CSNK1G2: variants seen among roughly 807,000 people sequenced by gnomAD.
CSNK1G2 encodes casein kinase 1 gamma 2, also known as casein kinase I isoform gamma-2.
Under a neutral mutation model 48.0 loss-of-function variants are expected in CSNK1G2, and 11 were observed. The observed-to-expected ratio is 0.23, with a 90% confidence interval of 0.14 to 0.38. CSNK1G2 has a LOEUF of 0.38. CSNK1G2 is among the 10% of genes least tolerant of loss of function. The probability of loss-of-function intolerance (pLI) is 1.00; values close to 1 mark genes in which losing one functional copy is unlikely to be tolerated. For missense variants in CSNK1G2, 446 were observed against 595.5 expected (o/e 0.75, Z 2.61); for synonymous variants, 337 against 254.1 (o/e 1.33, Z -3.10).
At chr19:1,955,131 G>C (rs1320135661) in intron 1 of CSNK1G2, among the ~76,000 whole-genome samples, 1 of 152,172 alleles carries the variant, frequency 6.6e-6, no homozygotes, top group Admixed American at 6.5e-5. Context: ...CGGGTGCTGG[G>C]CCCTGACCGA....
At chr19:1,955,822 G>A (rs979415978) in intron 1 of CSNK1G2, among the ~76,000 whole-genome samples, 3 of 152,190 alleles carry the variant, frequency 2.0e-5, no homozygotes, top group Non-Finnish European at 2.9e-5. Flanking sequence ...GCTCTGCAGG[G>A]CACAGTGGGG....
At chr19:1,953,760 G>A in intron 1 of CSNK1G2, 1 of 441,288 alleles carries the variant, frequency 2.3e-6, no homozygotes, top group Non-Finnish European at 4.7e-6. Context: ...CTGCCATTGT[G>A]CAGCCTTGCC....
intron 8 of CSNK1G2, 26 bp downstream of exon 8, chr19:1,979,429 T>TG: frequency 3.0e-6 from 3 of 984,744 alleles, no homozygotes; most frequent in African/African-American, 2.1e-5. Context: ...GCCCCCGCCC[T>TG]GTGCCCCCCA....
rs1039997114 is a variant in CSNK1G2 at position 1,970,645 on chromosome 19, GT to G, written c.187+687del. On this transcript the variant is annotated intron_variant, in intron 2 of 11. Coordinates refer to ENST00000255641, the MANE Select transcript of CSNK1G2 (RefSeq NM_001319.7). ...GCACCTTTGGGGCCGTTCCCAGTCT[GT>G]GATTAGCTGGGCCAGGGAGCTGAAT... is the stretch of plus-strand genomic sequence containing the variant. Among the ~76,000 whole-genome samples, 187 of 151,180 alleles carry G rather than the reference GT, an allele frequency of 1.2e-3. 1 individual carries two copies. The highest frequency in any genetic ancestry group is 4.1e-3 in the African/African-American group (169 of 41,496).
At chr19:1,946,608 TTATTA>T (rs2014574506) in intron 1 of CSNK1G2, among the ~76,000 whole-genome samples, 1 of 135,534 alleles carries the variant, frequency 7.4e-6, no homozygotes, top group Non-Finnish European at 1.6e-5. Context: ...TATTTATTTA[TTATTA>T]TTATTATTAT....
chr19:1,978,759 C>A lies in CSNK1G2; in HGVS notation c.447+9C>A, dbSNP rs532979869. The A allele has an allele frequency of 8.5e-6, 3 of 351,956 alleles. No homozygotes were observed. Among genetic ancestry groups the A allele is most frequent in the Non-Finnish European group, 1.5e-5 (3 of 195,486 alleles). The allele number at this position is 351,956 out of a possible 1,614,324, so 21.8% of individuals were successfully genotyped here. A position where few individuals can be genotyped will look rare whatever the true frequency, so the allele number is the denominator to read the frequency against. On this transcript the variant is annotated intron_variant, in intron 5 of 11. Coordinates refer to ENST00000255641, the MANE Select transcript of CSNK1G2 (RefSeq NM_001319.7). The surrounding 1 kb of genome is among the most constrained non-coding windows in gnomAD (Gnocchi z 7.3). The stretch of plus-strand genomic sequence containing the variant: ...TGATCGCCATCCAGCTGGTGCGCGG[C>A]GGGCGGGGCGGGGCGGGGCTCGGAG...
chr19:1,941,950 G>C (rs578137344), intron 1 of CSNK1G2, among the ~76,000 whole-genome samples: 1 of 151,460 alleles, frequency 6.6e-6, no homozygotes, highest in African/African-American at 2.4e-5. Context: ...CGAGGCCCCT[G>C]CCCACCTGGC....
intron 1 of CSNK1G2, among the ~76,000 whole-genome samples, chr19:1,949,281 C>T (rs367628437): frequency 2.0e-5 from 3 of 152,196 alleles, no homozygotes; most frequent in Admixed American, 6.5e-5. Flanking sequence ...CAAATTGAGA[C>T]GCTGTCTTCG....
At position 1,957,710 on chromosome 19, in the gene CSNK1G2, T is replaced by A. The variant is rs2015046061; in HGVS notation, c.-265-11798T>A. ...CTGCAGACGTGGGCACAGAGGGGCC[T>A]CTGAGGGCGTCTGGCGGCATTTGAG... On this transcript the variant is annotated intron_variant, in intron 1 of 11. Transcript: ENST00000255641. The surrounding 1 kb of genome is among the most constrained non-coding windows in gnomAD (Gnocchi z 5.4). 6.6e-6 allele frequency among the ~76,000 whole-genome samples: 1 copy of A among 151,772 alleles called. No homozygotes were observed.
chr19:1,941,801 G>A (rs2014374513), intron 1 of CSNK1G2, among the ~76,000 whole-genome samples: 1 of 60,860 alleles, frequency 1.6e-5, no homozygotes, highest in Non-Finnish European at 3.9e-5. Context: ...TCTGCACCCC[G>A]GTGACTGTCG....
Position 1,969,728 on chromosome 19 carries a change from C to T in CSNK1G2, c.-45C>T, listed in dbSNP as rs761680402. The T allele has an allele frequency of 3.5e-5, 44 of 1,251,526 alleles. No homozygotes were observed. Among genetic ancestry groups the T allele is most frequent in the Non-Finnish European group, 4.5e-5 (44 of 987,802 alleles). The allele number at this position is 1,251,526 out of a possible 1,614,324, so 77.5% of individuals were successfully genotyped here. On this transcript the variant is annotated 5_prime_UTR_variant, in exon 2 of 12. Coordinates refer to ENST00000255641, the MANE Select transcript of CSNK1G2 (RefSeq NM_001319.7). ...CAGGTTTCCAGAGACTTGGGATTTGCACGGCAGCAGAGTCACCGTGGAGAG... is the reference window on the plus strand; with the variant it reads ...CAGGTTTCCAGAGACTTGGGATTTGTACGGCAGCAGAGTCACCGTGGAGAG...
intron 2 of CSNK1G2, among the ~76,000 whole-genome samples, chr19:1,974,933 G>A (rs902585237): frequency 5.3e-5 from 8 of 152,256 alleles, no homozygotes; most frequent in African/African-American, 9.6e-5. Flanking sequence ...TGCATGCATC[G>A]CGAGTACTGC....
Position 1,978,447 on chromosome 19 carries a change from G to T in CSNK1G2, c.234G>T (p.Pro78=). ...TNEYVAIKLE[P]IKSRAPQLHL... is the part of the protein sequence containing the mutation. ...ACTCGCTCTTGTGCCCCCAGGAGCC[G>T]ATCAAGTCCCGGGCCCCGCAGCTGC... Residue 78 remains proline (P), a synonymous_variant, in exon 4 of 12, where the codon CCG becomes CCT. Transcript: ENST00000255641. This position sits in a 1 kb window ranked among gnomAD's most constrained non-coding sequence, Gnocchi z 7.3. 2 of 1,609,626 alleles carry T rather than the reference G, an allele frequency of 1.2e-6. No homozygotes were observed. Among genetic ancestry groups the T allele is most frequent in the Non-Finnish European group, 1.7e-6 (2 of 1,178,590 alleles).
chr19:1,971,182 T>A (rs1425876279), intron 2 of CSNK1G2, among the ~76,000 whole-genome samples: 1 of 152,172 alleles, frequency 6.6e-6, no homozygotes, highest in Admixed American at 6.5e-5. Flanking sequence ...TCAAGCAGCT[T>A]CTCCCAGGCG....
chr19:1,976,166 CTGT>C, intron 2 of CSNK1G2: 1 of 1,168,062 alleles, frequency 8.6e-7, no homozygotes, highest in Non-Finnish European at 1.1e-6. Flanking sequence ...GGCACGGCTC[CTGT>C]TGTTTTACGA....
intron 2 of CSNK1G2, among the ~76,000 whole-genome samples, chr19:1,976,317 G>A (rs1481831904): frequency 2.6e-5 from 4 of 152,120 alleles, no homozygotes; most frequent in Non-Finnish European, 5.9e-5. Flanking sequence ...GGACTGGAGA[G>A]ACCAGCCCTG....
chr19:1,944,335 C>T (rs930086306), intron 1 of CSNK1G2, among the ~76,000 whole-genome samples: 3 of 152,092 alleles, frequency 2.0e-5, no homozygotes, highest in African/African-American at 4.8e-5. Flanking sequence ...GGAGGCTCCG[C>T]GTCTGCTTCT....
intron 1 of CSNK1G2, chr19:1,953,904 C>T (rs1451417659): frequency 1.9e-6 from 1 of 534,160 alleles, no homozygotes; most frequent in East Asian, 5.4e-5. Context: ...CAGAGGCCGG[C>T]TGTCCTCGTG....
chr19:1,976,837 T>A (rs1451331485), intron 2 of CSNK1G2, among the ~76,000 whole-genome samples: 1 of 152,072 alleles, frequency 6.6e-6, no homozygotes, highest in South Asian at 2.1e-4. Context: ...CCTCCCGGGT[T>A]CAGGCAATTC....
Sources: gnomAD v4.1 joint callset for allele counts (sites outside exome capture counted in the v4.1 genomes callset) on GRCh38, gnomAD v4.1.1 for gene constraint, Gnocchi (gnomAD v3.1) non-coding constraint, MANE v1.5 for transcripts, NCBI Gene and HGNC (gene_info 2026-07-23, HGNC 2026-07-21) for gene names.